The following DNAH17 variants were observed in gnomAD, a reference collection of about 807,000 sequenced individuals.
DNAH17 encodes the protein dynein axonemal heavy chain 17, also known as axonemal beta dynein heavy chain 17.
Under a neutral mutation model 485.6 loss-of-function variants are expected in DNAH17, and 376 were observed. That is an observed-to-expected ratio of 0.77 (90% CI 0.71 to 0.84). The LOEUF (loss-of-function observed/expected upper bound fraction) is 0.84. DNAH17 is among the 40% of genes least tolerant of loss of function. The pLI is 0.00. For synonymous variants in DNAH17, 3,031 were observed against 2,405.9 expected, an observed-to-expected ratio of 1.26 and a Z score of -7.60; for missense variants, 6,370 against 5,839.3, an observed-to-expected ratio of 1.09 and a Z score of -2.96.
rs1393009914 is a variant in DNAH17, at chr17:78,486,302, G to C, written c.7023C>G (p.Asp2341Glu). 3 of 1,613,014 alleles carry C rather than the reference G, an allele frequency of 1.9e-6. No individual in the cohort carries two copies. The highest frequency in any genetic ancestry group is 1.7e-5 in the Admixed American group (1 of 59,984). Residue 2341 changes from aspartate to glutamate, a missense_variant, in exon 45 of 81, where the codon GAC becomes GAG. Physicochemically the swap from Asp to Glu is conservative, Grantham distance 45. Transcript: ENST00000389840. ...CLLTEKTVPP[D>E]SPRELYELYF... is the part of the protein sequence containing the mutation. ...ACAGCTCGTACAGCTCCCTGGGGGA[G>C]TCGGGGGGCACGGTCTTCTCCGTGA...
At chr17:78,543,074 T>A in intron 17 of DNAH17, among the ~76,000 whole-genome samples, 1 of 152,200 alleles carries the variant, frequency 6.6e-6, no homozygotes, top group Non-Finnish European at 1.5e-5. Flanking sequence ...AAGGGTGGTC[T>A]ACTACTTAAA....
intron 75 of DNAH17, among the ~76,000 whole-genome samples, chr17:78,431,434 T>C (rs2086667623): frequency 6.7e-6 from 1 of 148,604 alleles, no homozygotes; most frequent in African/African-American, 2.5e-5. Context: ...GCATTTCCCG[T>C]ACCTGCTGAG....
chr17:78,486,897 C>T (rs8074921), intron 44 of DNAH17, among the ~76,000 whole-genome samples: 69,615 of 151,420 alleles, frequency 0.46, 16,685 homozygotes, highest in Non-Finnish European at 0.53. Context: ...AGTAAGGGAG[C>T]AGAAAGGAGA....
In DNAH17 at chr17:78,429,253, G is replaced by C; in HGVS notation, c.12273C>G (p.Gly4091=). The part of the protein sequence containing the change: ...LRYLFGEIMY[G]GHITDDWDRR... Reference sequence around the variant, plus strand: ...GGTCCCAGTCATCTGTGATGTGGCCGCCATACATGATTTCACCAAAAAGGT... The same window carrying C: ...GGTCCCAGTCATCTGTGATGTGGCCCCCATACATGATTTCACCAAAAAGGT... Residue 4091 remains glycine (G), a synonymous_variant, in exon 76 of 81, where the codon GGC becomes GGG. Transcript: ENST00000389840. The C allele has an allele frequency of 6.2e-7, 1 of 1,613,928 alleles. No homozygotes were observed. The highest frequency in any genetic ancestry group is 8.5e-7 in the Non-Finnish European group (1 of 1,179,892).
intron 25 of DNAH17, among the ~76,000 whole-genome samples, chr17:78,517,675 C>G (rs950495650): frequency 6.6e-6 from 1 of 152,206 alleles, no homozygotes; most frequent in African/African-American, 2.4e-5. Flanking sequence ...TACCCAAATT[C>G]CCATTTCCTC....
At chr17:78,437,978 A>C in intron 73 of DNAH17, 110 bp from the exon 74 acceptor site, 1 of 758,048 alleles carries the variant, frequency 1.3e-6, no homozygotes. Context: ...TTCTGCCAGC[A>C]CCCCACACTT....
chr17:78,460,010 GAC>G lies in DNAH17; in HGVS notation c.9436-11_9436-10del. On this transcript the variant is annotated splice_polypyrimidine_tract_variant and intron_variant, in intron 59 of 80. Transcript: ENST00000389840. ...AGCTCTGTCAGGTTGTTCTGCAAAT[GAC>G]AGACGGGATGGGTCCGATGGGAGTT... The G allele has an allele frequency of 6.2e-7, 1 of 1,612,318 alleles. No individual in the cohort carries two copies.
intron 24 of DNAH17, 38 bp downstream of exon 24, chr17:78,526,613 C>A: frequency 6.6e-7 from 1 of 1,520,194 alleles, no homozygotes; most frequent in Non-Finnish European, 8.9e-7. Context: ...GTGGGGTTCC[C>A]AGACTTACCC....
intron 13 of DNAH17, 34 bp from the exon 14 acceptor site, chr17:78,558,288 G>GCAGGT (rs1568252367): frequency 6.2e-7 from 1 of 1,608,660 alleles, no homozygotes; most frequent in Non-Finnish European, 8.5e-7. Flanking sequence ...GAACATGTCA[G>GCAGGT]CAGGTCAGGT....
At chr17:78,530,308 C>T (rs758837710) in intron 21 of DNAH17, 35 bp downstream of exon 21, 193 of 1,573,426 alleles carry the variant, frequency 1.2e-4, no homozygotes, top group Non-Finnish European at 1.6e-4. Context: ...TCTGCACATT[C>T]CTTGGGCTCC....
chr17:78,485,749 CAA>C lies in DNAH17; in HGVS notation c.7282_7283del (p.Leu2428GlyfsTer87). Reference protein sequence around the residue: ...LDPDVPLQASLVHTTETIRIR... With the variant: ...LDPDVPLQASXVHTTETIRIR... ...TGCGGATGGTTTCCGTGGTGTGGAC[CAA>C]AGAGGCCTGGGGCAGGGGAGGGAAG... is the stretch of plus-strand genomic sequence containing the variant. On this transcript the variant is annotated frameshift_variant, in exon 47 of 81. Transcript: ENST00000389840. LOFTEE classifies it high-confidence loss of function. 3 of 1,611,926 alleles carry C rather than the reference CAA, an allele frequency of 1.9e-6. No homozygotes were observed. Among genetic ancestry groups the C allele is most frequent in the Non-Finnish European group, 2.5e-6 (3 of 1,179,762 alleles).
chr17:78,448,509 A>G (rs2087408917), intron 69 of DNAH17, among the ~76,000 whole-genome samples: 3 of 152,180 alleles, frequency 2.0e-5, no homozygotes, highest in Admixed American at 6.5e-5. Context: ...CCTGGGTGAC[A>G]GAGTGAGATT....
At chr17:78,449,824 C>A (rs909590331) in intron 68 of DNAH17, 77 of 508,402 alleles carry the variant, frequency 1.5e-4, no homozygotes, top group Non-Finnish European at 2.4e-4. Context: ...AAGGCGCACA[C>A]CACCACACCT....
chr17:78,481,100 C>T (rs1484477061), intron 48 of DNAH17, among the ~76,000 whole-genome samples: 1 of 140,314 alleles, frequency 7.1e-6, no homozygotes, highest in Non-Finnish European at 1.5e-5. Context: ...CGCCCCCCAT[C>T]CCCCGGCTTT....
chr17:78,440,283 G>T (rs1161776117), intron 72 of DNAH17, among the ~76,000 whole-genome samples: 2 of 116,170 alleles, frequency 1.7e-5, no homozygotes, highest in African/African-American at 7.3e-5. Context: ...TTGAGACAGG[G>T]TCTTACTCGG....
chr17:78,468,800 C>T lies in DNAH17; in HGVS notation c.8595G>A (p.Glu2865=), dbSNP rs1489589733. 6.2e-7 allele frequency: 1 copy of T among 1,614,084 alleles called. No individual in the cohort carries two copies. Among genetic ancestry groups the T allele is most frequent in the South Asian group, 1.1e-5 (1 of 91,090 alleles). Reference sequence around the variant, plus strand: ...CATTGATCAGCACCAGAAACTGCTCCTCGGCCACCTGGGAGTCTGTCATCA... The same window carrying T: ...CATTGATCAGCACCAGAAACTGCTCTTCGGCCACCTGGGAGTCTGTCATCA... The part of the protein sequence containing the change: ...VFLMTDSQVA[E]EQFLVLINDL... The change falls in exon 55 of 81, where the codon GAG becomes GAA. Residue 2865 remains glutamate (E), a synonymous_variant. Transcript: ENST00000389840.
In DNAH17 at chr17:78,485,772, G is replaced by A; in HGVS notation, c.7276-15C>T. ...ACCAAAGAGGCCTGGGGCAGGGGAG[G>A]GAAGGGGAGGGAGCTGTGATTCTCA... is the stretch of plus-strand genomic sequence containing the variant. On this transcript the variant is annotated splice_polypyrimidine_tract_variant and intron_variant, in intron 46 of 80. Coordinates refer to ENST00000389840, the MANE Select transcript of DNAH17 (RefSeq NM_173628.4). 3.7e-6 allele frequency: 6 copies of A among 1,611,678 alleles called. No homozygotes were observed. Among genetic ancestry groups the A allele is most frequent in the Non-Finnish European group, 5.1e-6 (6 of 1,178,256 alleles).
intron 55 of DNAH17, 34 bp downstream of exon 55, chr17:78,468,583 G>T (rs1432168855): frequency 1.3e-6 from 2 of 1,597,218 alleles, no homozygotes; most frequent in African/African-American, 2.7e-5. Flanking sequence ...ACCAAGCTGG[G>T]CTCTTGAGGC....
chr17:78,474,043 C>A (rs540961174), intron 54 of DNAH17, among the ~76,000 whole-genome samples: 6 of 152,340 alleles, frequency 3.9e-5, no homozygotes, highest in African/African-American at 1.4e-4. Flanking sequence ...AGGCAGAGAA[C>A]AGCCAGCCAG....
Sources: gnomAD v4.1 joint callset for allele counts (sites outside exome capture counted in the v4.1 genomes callset) on GRCh38, gnomAD v4.1.1 for gene constraint, MANE v1.5 for transcripts, NCBI Gene and HGNC (gene_info 2026-07-23, HGNC 2026-07-21) for gene names.